SLC1A2: variants seen among roughly 807,000 people sequenced by gnomAD.
SLC1A2 encodes the protein solute carrier family 1 member 2.
SLC1A2 carries 15 observed loss-of-function variants against 48.8 expected under a neutral mutation model. That is an observed-to-expected ratio of 0.31 (90% confidence interval 0.21 to 0.47). The LOEUF (loss-of-function observed/expected upper bound fraction) is 0.47. Ranked by LOEUF, SLC1A2 falls within the 20% of genes least tolerant of loss-of-function variation. The pLI is 0.99. For missense variants in SLC1A2, 502 were observed against 730.5 expected, an observed-to-expected ratio of 0.69 and a Z score of 3.61; for synonymous variants, 279 against 272.6, an observed-to-expected ratio of 1.02 and a Z score of -0.23.
At chr11:35,320,432 A>G (rs1191299085) in intron 1 of SLC1A2, among the ~76,000 whole-genome samples, 1 of 152,238 alleles carries the variant, frequency 6.6e-6, no homozygotes. Flanking sequence ...ATGGGAAATC[A>G]TAAGAACAAT....
chr11:35,312,503 C>A (rs571651176), intron 3 of SLC1A2, 55 bp from the exon 4 acceptor site: 3 of 1,582,626 alleles, frequency 1.9e-6, no homozygotes, highest in Admixed American at 3.4e-5. Flanking sequence ...TGCTAATGAC[C>A]TGTGTCTACA....
At chr11:35,318,332 A>G (rs1208180841) in intron 1 of SLC1A2, among the ~76,000 whole-genome samples, 7 of 152,220 alleles carry the variant, frequency 4.6e-5, no homozygotes. Flanking sequence ...TCCCAGGCCA[A>G]TAAGATTCCA....
rs1302530796 is a variant in SLC1A2 at position 35,410,141 on chromosome 11, CTTAT to C, written c.17+8805_17+8808del. On this transcript the variant is annotated intron_variant, in intron 1 of 10. Transcript: ENST00000278379. Reference sequence around the variant, plus strand: ...TTTAAGATAGAGCTTTATTTAGTTCCTTATTTATTTCTAACAAAAAAAATAGTAT... The same window carrying C: ...TTTAAGATAGAGCTTTATTTAGTTCCTTATTTCTAACAAAAAAAATAGTAT... Among the ~76,000 whole-genome samples, 20 of 86,430 alleles carry C rather than the reference CTTAT, an allele frequency of 2.3e-4. No homozygotes were observed. In the East Asian group the frequency reaches 6.5e-3, roughly 28 times the overall value. The allele number at this position is 86,430 out of a possible 152,430, so 56.7% of individuals were successfully genotyped here.
At chr11:35,417,890 T>C (rs555316319) in intron 1 of SLC1A2, among the ~76,000 whole-genome samples, 1 of 152,112 alleles carries the variant, frequency 6.6e-6, no homozygotes, top group Admixed American at 6.5e-5. Flanking sequence ...GCCTGCGGAG[T>C]TGGTAAAATT....
chr11:35,260,798 G>A lies in SLC1A2; in HGVS notation c.*96C>T, dbSNP rs962671501. The A allele has an allele frequency of 4.8e-5, 42 of 880,220 alleles. No homozygotes were observed. The Admixed American group carries it at 5.2e-4, about 11-fold the overall frequency. 54.5% of individuals were successfully genotyped at this position (880,220 alleles called of 1,614,324 possible). On this transcript the variant is annotated 3_prime_UTR_variant, in exon 11 of 11. Transcript: ENST00000278379. ...AGATTAAGTAAACATAGAAATATAC[G>A]CATTTTTTTCCTTTTTAAAGAAAGC...
upstream of SLC1A2, chr11:35,420,004 G>A (rs1855737927): frequency 2.2e-6 from 1 of 458,294 alleles, no homozygotes; most frequent in South Asian, 1.6e-5. Context: ...GGGTGGTGCA[G>A]CCTAAACGCG....
intron 1 of SLC1A2, among the ~76,000 whole-genome samples, chr11:35,327,060 G>A (rs1057182877): frequency 6.6e-6 from 1 of 152,202 alleles, no homozygotes; most frequent in South Asian, 2.1e-4. Context: ...CCATTGCCAG[G>A]ATCAGTCTTG....
intron 1 of SLC1A2, among the ~76,000 whole-genome samples, chr11:35,321,064 G>A (rs2134927594): frequency 6.6e-6 from 1 of 152,284 alleles, no homozygotes; most frequent in East Asian, 1.9e-4. Flanking sequence ...TGGTGGAAGG[G>A]GAAGAGAACG....
intron 1 of SLC1A2, among the ~76,000 whole-genome samples, chr11:35,359,846 A>G (rs1233576688): frequency 6.6e-6 from 1 of 152,240 alleles, no homozygotes; most frequent in Non-Finnish European, 1.5e-5. Flanking sequence ...TCTCATTCAC[A>G]GGAGCGAAAT....
At chr11:35,328,548 T>G (rs1219403641) in intron 1 of SLC1A2, among the ~76,000 whole-genome samples, 1 of 152,214 alleles carries the variant, frequency 6.6e-6, no homozygotes, top group Non-Finnish European at 1.5e-5. Flanking sequence ...ACAAAAGTAA[T>G]GGATGGTAGA....
At chr11:35,398,178 T>C (rs1195939492) in intron 1 of SLC1A2, among the ~76,000 whole-genome samples, 1 of 152,214 alleles carries the variant, frequency 6.6e-6, no homozygotes, top group Non-Finnish European at 1.5e-5. Context: ...TACTTGGCTC[T>C]CATTTCCAAA....
intron 3 of SLC1A2, among the ~76,000 whole-genome samples, chr11:35,314,088 T>C (rs1487773734): frequency 6.6e-6 from 1 of 152,240 alleles, no homozygotes; most frequent in Non-Finnish European, 1.5e-5. Context: ...AAAATACCAG[T>C]ATAAGCCCAC....
intron 4 of SLC1A2, among the ~76,000 whole-genome samples, chr11:35,310,389 T>C (rs952174968): frequency 1.3e-5 from 2 of 152,220 alleles, no homozygotes; most frequent in African/African-American, 4.8e-5. Flanking sequence ...AAACACGCTA[T>C]ACAGATGGAG....
intron 1 of SLC1A2, among the ~76,000 whole-genome samples, chr11:35,324,636 A>G (rs926441772): frequency 1.3e-5 from 2 of 152,176 alleles, no homozygotes; most frequent in African/African-American, 4.8e-5. Flanking sequence ...GGTGCTTTTT[A>G]CAAACAGAAA....
At position 35,418,969 on chromosome 11, in the gene SLC1A2, TC is replaced by T. The variant is rs755227278; in HGVS notation, c.-4del. ...CCTCACCCTTCCGTAGATGCCATGG[TC>T]TGGGGAACGCCCCCTCCTCTTCAGC... On this transcript the variant is annotated 5_prime_UTR_variant, in exon 1 of 11. Transcript: ENST00000278379. 2.7e-4 allele frequency: 418 copies of T among 1,567,242 alleles called. No homozygotes were observed. The highest frequency in any genetic ancestry group is 8.3e-4 in the Middle Eastern group (5 of 5,996).
At chr11:35,304,387 G>T (rs1448096791) in intron 5 of SLC1A2, among the ~76,000 whole-genome samples, 1 of 152,114 alleles carries the variant, frequency 6.6e-6, no homozygotes, top group Non-Finnish European at 1.5e-5. Context: ...CACCAGAAAA[G>T]ACCATGGGGG....
chr11:35,375,165 A>G (rs1269624052), intron 1 of SLC1A2, among the ~76,000 whole-genome samples: 1 of 152,224 alleles, frequency 6.6e-6, no homozygotes, highest in Non-Finnish European at 1.5e-5. Flanking sequence ...AAAATAAAAA[A>G]TAAAAATAAT....
At chr11:35,289,217 T>C (rs3794094) in intron 7 of SLC1A2, among the ~76,000 whole-genome samples, 39,086 of 151,958 alleles carry the variant, frequency 0.26, 5,155 homozygotes, top group Admixed American at 0.3. Flanking sequence ...TGAGAAAAGA[T>C]GTTCAACTAC....
chr11:35,413,355 C>T (rs1855522073), intron 1 of SLC1A2, among the ~76,000 whole-genome samples: 1 of 152,176 alleles, frequency 6.6e-6, no homozygotes, highest in Non-Finnish European at 1.5e-5. Flanking sequence ...AAATCTTGGG[C>T]AATTCACCTA....
Sources: gnomAD v4.1 joint callset for allele counts (sites outside exome capture counted in the v4.1 genomes callset) on GRCh38, gnomAD v4.1.1 for gene constraint, MANE v1.5 for transcripts, NCBI Gene and HGNC (gene_info 2026-07-23, HGNC 2026-07-21) for gene names.